CMC1: variants seen among roughly 807,000 people sequenced by gnomAD.
CMC1 encodes the protein COX assembly mitochondrial protein homolog.
In CMC1, 14 loss-of-function variants were observed where a neutral mutation model predicts 14.1. That is an observed-to-expected ratio of 0.99 (90% confidence interval 0.66 to 1.55). The LOEUF (loss-of-function observed/expected upper bound fraction) is 1.55. Among genes scored for constraint, CMC1 ranks in the 40% most tolerant of loss-of-function variants. CMC1 has a pLI of 0.00. For synonymous variants in CMC1, 50 were observed against 38.4 expected (o/e 1.30, Z -1.12); for missense variants, 127 against 123.8 (o/e 1.03, Z -0.12).
chr3:28,308,038 C>T (rs563283634), intron 2 of CMC1, among the ~76,000 whole-genome samples: 91 of 152,312 alleles, frequency 6.0e-4, no homozygotes, highest in Middle Eastern at 6.8e-3. Flanking sequence ...ATCTGTCTTT[C>T]ACTTTTAAAG....
At chr3:28,242,754 G>T (rs1222405815) in intron 1 of CMC1, among the ~76,000 whole-genome samples, 1 of 152,210 alleles carries the variant, frequency 6.6e-6, no homozygotes, top group Non-Finnish European at 1.5e-5. Flanking sequence ...GGTAGTGGTA[G>T]ATCAGGGAGT....
At chr3:28,299,636 A>T (rs1254828025) in intron 2 of CMC1, among the ~76,000 whole-genome samples, 1 of 152,148 alleles carries the variant, frequency 6.6e-6, no homozygotes, top group African/African-American at 2.4e-5. Flanking sequence ...TTGTCATAAG[A>T]TGCTGCTGTC....
At chr3:28,278,930 G>T (rs1700727736) in intron 2 of CMC1, among the ~76,000 whole-genome samples, 1 of 152,168 alleles carries the variant, frequency 6.6e-6, no homozygotes, top group African/African-American at 2.4e-5. Flanking sequence ...CAATCAGAAA[G>T]AATGTCATTA....
At chr3:28,295,533 C>G (rs185726540) in intron 2 of CMC1, among the ~76,000 whole-genome samples, 1 of 152,052 alleles carries the variant, frequency 6.6e-6, no homozygotes, top group African/African-American at 2.4e-5. Flanking sequence ...ATGTAACCTA[C>G]TAGGTCCTTC....
At chr3:28,267,983 C>T (rs971084551) in intron 2 of CMC1, among the ~76,000 whole-genome samples, 10 of 152,114 alleles carry the variant, frequency 6.6e-5, no homozygotes, top group Non-Finnish European at 1.5e-4. Flanking sequence ...AACCAGTGCA[C>T]CAGTATTAAC....
intron 2 of CMC1, among the ~76,000 whole-genome samples, chr3:28,310,935 A>G (rs1015519089): frequency 1.3e-5 from 2 of 152,172 alleles, no homozygotes; most frequent in African/African-American, 2.4e-5. Flanking sequence ...ATGAGAATCT[A>G]ATGCTGCTGC....
At chr3:28,313,324 G>T (rs368423075) in intron 2 of CMC1, among the ~76,000 whole-genome samples, 3 of 152,152 alleles carry the variant, frequency 2.0e-5, no homozygotes, top group African/African-American at 4.8e-5. Flanking sequence ...CAATCTCTCC[G>T]CATTCCTACT....
chr3:28,263,167 A>G, intron 1 of CMC1, 124 bp from the exon 2 acceptor site: 1 of 659,158 alleles, frequency 1.5e-6, no homozygotes, highest in East Asian at 3.1e-5. Context: ...TCACAATTTC[A>G]TAAGGTTGTA....
In CMC1 at chr3:28,241,940, C is replaced by A. The variant is rs112053729; in HGVS notation, c.19+128C>A. ...GGTAGCATTGCTTCCACCAGCGTCTCCTCATACCCGGCGGCTGCTTCGCCC... is the reference window on the plus strand; with the variant it reads ...GGTAGCATTGCTTCCACCAGCGTCTACTCATACCCGGCGGCTGCTTCGCCC... On this transcript the variant is annotated intron_variant, in intron 1 of 3. Transcript: ENST00000466830. 3.5e-4 allele frequency: 339 copies of A among 981,800 alleles called. 4 individuals carry two copies. In the African/African-American group the frequency reaches 4.8e-3, roughly 14 times the overall value. The allele number at this position is 981,800 out of a possible 1,614,324, so 60.8% of individuals were successfully genotyped here.
chr3:28,289,546 A>T (rs1340434851), intron 2 of CMC1, among the ~76,000 whole-genome samples: 1 of 145,188 alleles, frequency 6.9e-6, no homozygotes. Context: ...TAGAAGTCAT[A>T]TAATAGAAAA....
Position 28,319,713 on chromosome 3 carries a change from G to A in CMC1, c.*84G>A. 1.8e-6 allele frequency: 2 copies of A among 1,083,150 alleles called. No homozygotes were observed. Among genetic ancestry groups the A allele is most frequent in the Non-Finnish European group, 2.6e-6 (2 of 769,464 alleles). 67.1% of individuals were successfully genotyped at this position (1,083,150 alleles called of 1,614,324 possible). A position where few individuals can be genotyped will look rare whatever the true frequency, so the allele number is the denominator to read the frequency against. On this transcript the variant is annotated 3_prime_UTR_variant, in exon 4 of 4. Coordinates refer to ENST00000466830, the MANE Select transcript of CMC1 (RefSeq NM_182523.2). ...TTAAATAATGGACTCAAGCATATAT[G>A]TTTGCTTTACCTTAATTATGGAAAT...
intron 2 of CMC1, among the ~76,000 whole-genome samples, chr3:28,286,174 G>C (rs1013685829): frequency 6.6e-6 from 1 of 152,154 alleles, no homozygotes; most frequent in Non-Finnish European, 1.5e-5. Flanking sequence ...TGTTGGCCTT[G>C]CTAGCTAGTA....
intron 2 of CMC1, among the ~76,000 whole-genome samples, chr3:28,279,113 C>G (rs987694999): frequency 6.6e-6 from 1 of 152,084 alleles, no homozygotes; most frequent in Non-Finnish European, 1.5e-5. Context: ...AAAATAACTA[C>G]CCGAAAGCAC....
intron 2 of CMC1, among the ~76,000 whole-genome samples, chr3:28,264,470 CTTA>C (rs1003571818): frequency 3.3e-5 from 5 of 152,146 alleles, no homozygotes; most frequent in African/African-American, 1.2e-4. Context: ...TCTTCAATAA[CTTA>C]TTATGACCTA....
At chr3:28,252,496 G>C (rs1208990449) in intron 1 of CMC1, among the ~76,000 whole-genome samples, 1 of 152,120 alleles carries the variant, frequency 6.6e-6, no homozygotes, top group Non-Finnish European at 1.5e-5. Context: ...TGCTCCCCTT[G>C]CTTTTAAAAA....
intron 2 of CMC1, among the ~76,000 whole-genome samples, chr3:28,308,991 TA>T (rs1702482126): frequency 5.4e-4 from 2 of 3,734 alleles, no homozygotes; most frequent in South Asian, 9.3e-3. Flanking sequence ...CAAAAAAAAA[TA>T]AATAAATAAA....
At chr3:28,312,663 C>T (rs1356625613) in intron 2 of CMC1, among the ~76,000 whole-genome samples, 1 of 151,944 alleles carries the variant, frequency 6.6e-6, no homozygotes, top group Non-Finnish European at 1.5e-5. Flanking sequence ...TATGGAAGCT[C>T]CCAAGTTTTT....
chr3:28,241,752 C>T lies in CMC1; in HGVS notation c.-42C>T, dbSNP rs1243385808. ...CCCCTCCACTCCCCTTCCTGCGTGC[C>T]CCGGAGCCGCCAAGCGGCTACGTTC... On this transcript the variant is annotated 5_prime_UTR_variant, in exon 1 of 4. Coordinates refer to ENST00000466830, the MANE Select transcript of CMC1 (RefSeq NM_182523.2). 4.0e-6 allele frequency: 5 copies of T among 1,241,744 alleles called. No individual in the cohort carries two copies. Among genetic ancestry groups the T allele is most frequent in the Non-Finnish European group, 5.1e-6 (5 of 988,076 alleles). 76.9% of individuals were successfully genotyped at this position (1,241,744 alleles called of 1,614,324 possible). A position where few individuals can be genotyped will look rare whatever the true frequency, so the allele number is the denominator to read the frequency against.
chr3:28,272,506 T>G (rs902681685), intron 2 of CMC1, among the ~76,000 whole-genome samples: 5 of 152,156 alleles, frequency 3.3e-5, no homozygotes, highest in Non-Finnish European at 5.9e-5. Context: ...TAGTTCTGTT[T>G]ACGTAATGAA....
Sources: allele counts gnomAD v4.1 joint callset (sites outside exome capture counted in the v4.1 genomes callset), GRCh38; gene constraint gnomAD v4.1.1; transcripts MANE v1.5; gene names NCBI Gene and HGNC (gene_info 2026-07-23, HGNC 2026-07-21).